RABGAP1L: variants seen among roughly 807,000 people sequenced by gnomAD.
RABGAP1L encodes the protein rab GTPase-activating protein 1-like.
A neutral mutation model predicts 137.7 loss-of-function variants in RABGAP1L; 63 were observed. That is an observed-to-expected ratio of 0.46 (90% CI 0.37 to 0.56). RABGAP1L has a LOEUF of 0.56. Among genes scored for constraint, RABGAP1L ranks in the 20% least tolerant of loss-of-function variants. The pLI, the probability that RABGAP1L is intolerant of heterozygous loss-of-function variation, is 0.00. For missense variants in RABGAP1L, 1,095 were observed against 1,244.0 expected, an observed-to-expected ratio of 0.88 and a Z score of 1.80; for synonymous variants, 431 against 433.7, an observed-to-expected ratio of 0.99 and a Z score of 0.08.
chr1:174,349,104 G>T (rs1473534767), intron 11 of RABGAP1L, among the ~76,000 whole-genome samples: 3 of 122,656 alleles, frequency 2.4e-5, no homozygotes, highest in Admixed American at 7.7e-5. Flanking sequence ...CGGGCGGGGG[G>T]CTGACACCCC....
At chr1:174,391,024 A>T (rs1356916905) in intron 12 of RABGAP1L, among the ~76,000 whole-genome samples, 1 of 152,166 alleles carries the variant, frequency 6.6e-6, no homozygotes, top group Non-Finnish European at 1.5e-5. Flanking sequence ...TCAACAATGG[A>T]GTTTGTGAAG....
intron 13 of RABGAP1L, among the ~76,000 whole-genome samples, chr1:174,590,394 C>T (rs1669516722): frequency 8.2e-6 from 1 of 122,588 alleles, no homozygotes; most frequent in Admixed American, 8.7e-5. Context: ...TACATGTGCA[C>T]ATTGTGCAGG....
chr1:174,695,406 T>C (rs950388031), intron 15 of RABGAP1L, among the ~76,000 whole-genome samples: 1 of 152,112 alleles, frequency 6.6e-6, no homozygotes, highest in Non-Finnish European at 1.5e-5. Context: ...ACTGATACAT[T>C]TTTAAGTTTG....
chr1:174,275,968 C>T (rs1674963424), intron 9 of RABGAP1L, 33 bp downstream of exon 9: 3 of 1,541,942 alleles, frequency 1.9e-6, no homozygotes, highest in South Asian at 2.3e-5. Context: ...TTATTGTTTG[C>T]TTTACATTTT....
chr1:174,957,645 G>A, intron 20 of RABGAP1L, 96 bp downstream of exon 20: 1 of 1,141,000 alleles, frequency 8.8e-7, no homozygotes, highest in Non-Finnish European at 1.3e-6. Context: ...TTGAACACCT[G>A]GCCTCAAGCA....
intron 17 of RABGAP1L, among the ~76,000 whole-genome samples, chr1:174,733,059 C>CT (rs937900142): frequency 6.6e-6 from 1 of 151,936 alleles, no homozygotes; most frequent in Non-Finnish European, 1.5e-5. Context: ...TAAAATAACT[C>CT]TAAGTCATAT....
At chr1:174,615,101 C>G (rs1363409556) in intron 13 of RABGAP1L, among the ~76,000 whole-genome samples, 1 of 152,234 alleles carries the variant, frequency 6.6e-6, no homozygotes, top group Admixed American at 6.5e-5. Flanking sequence ...CTCCATCCTG[C>G]TTTGTTTCGT....
chr1:174,963,828 C>G (rs2149355067), intron 20 of RABGAP1L, among the ~76,000 whole-genome samples: 1 of 152,132 alleles, frequency 6.6e-6, no homozygotes, highest in South Asian at 2.1e-4. Flanking sequence ...CCTGCAAAGC[C>G]TAATATAGTT....
chr1:174,444,343 T>C (rs4353155), intron 13 of RABGAP1L, among the ~76,000 whole-genome samples: 7 of 152,100 alleles, frequency 4.6e-5, no homozygotes, highest in Admixed American at 1.3e-4. Flanking sequence ...GGTTTGCTAG[T>C]ATTTTGTTAA....
intron 13 of RABGAP1L, among the ~76,000 whole-genome samples, chr1:174,410,984 A>T (rs1403594005): frequency 6.6e-6 from 1 of 151,836 alleles, no homozygotes; most frequent in Non-Finnish European, 1.5e-5. Flanking sequence ...TCCTAGGTAT[A>T]TTTTTTTGTG....
chr1:174,712,393 G>A (rs1231623311), intron 17 of RABGAP1L, among the ~76,000 whole-genome samples: 1 of 152,036 alleles, frequency 6.6e-6, no homozygotes, highest in African/African-American at 2.4e-5. Flanking sequence ...GAACCCACTG[G>A]GAGGGACGAA....
At chr1:174,404,924 T>C (rs1389812264) in intron 13 of RABGAP1L, among the ~76,000 whole-genome samples, 1 of 152,222 alleles carries the variant, frequency 6.6e-6, no homozygotes, top group Non-Finnish European at 1.5e-5. Context: ...CTCTGCTTTC[T>C]TGAGCATTAT....
intron 13 of RABGAP1L, among the ~76,000 whole-genome samples, chr1:174,577,140 G>A (rs1433658993): frequency 6.6e-6 from 1 of 151,076 alleles, no homozygotes; most frequent in Non-Finnish European, 1.5e-5. Context: ...AGCTATGATA[G>A]CTCCATGATA....
intron 11 of RABGAP1L, among the ~76,000 whole-genome samples, chr1:174,319,792 G>A (rs1034784459): frequency 2.6e-5 from 4 of 151,920 alleles, no homozygotes; most frequent in Admixed American, 1.3e-4. Flanking sequence ...TTATTGATAC[G>A]ATCTTAGGAT....
intron 13 of RABGAP1L, among the ~76,000 whole-genome samples, chr1:174,480,956 G>A (rs1202937762): frequency 6.6e-6 from 1 of 152,094 alleles, no homozygotes; most frequent in East Asian, 1.9e-4. Flanking sequence ...GATTGGGGAG[G>A]AAAAAGACTC....
At chr1:174,644,293 C>A (rs1306911112) in intron 14 of RABGAP1L, among the ~76,000 whole-genome samples, 1 of 151,938 alleles carries the variant, frequency 6.6e-6, no homozygotes, top group Non-Finnish European at 1.5e-5. Flanking sequence ...TCCCTAAGAG[C>A]TTTCCTTGAA....
At chr1:174,983,788 C>A (rs1175277829) in intron 24 of RABGAP1L, among the ~76,000 whole-genome samples, 2 of 151,972 alleles carry the variant, frequency 1.3e-5, no homozygotes, top group Non-Finnish European at 2.9e-5. Context: ...CATACAAGAC[C>A]TTGTATTCCA....
At chr1:174,180,334 A>G (rs1475375532) in intron 1 of RABGAP1L, among the ~76,000 whole-genome samples, 2 of 152,170 alleles carry the variant, frequency 1.3e-5, no homozygotes, top group African/African-American at 4.8e-5. Flanking sequence ...GCCGCTTTAT[A>G]TGTTCTTGAG....
chr1:174,221,075 G>A lies in RABGAP1L; in HGVS notation c.242G>A (p.Ser81Asn). 1 of 1,613,956 alleles carries A rather than the reference G, an allele frequency of 6.2e-7. No individual in the cohort carries two copies. The highest frequency in any genetic ancestry group is 8.5e-7 in the Non-Finnish European group (1 of 1,179,926). The change falls in exon 3 of 26, where the codon AGT (serine) becomes AAT (asparagine). Residue 81 changes from serine to asparagine, a missense_variant. Physicochemically the swap from Ser to Asn is conservative, Grantham distance 46. This residue lies in a region of RABGAP1L where 356 missense variants were observed against 326.3 expected (regional missense o/e 1.09). Coordinates refer to ENST00000681986, the MANE Select transcript of RABGAP1L (RefSeq NM_001366446.1). ...SSLLVDCQSS[S>N]EISDHSFGDI... ...CTTCTTGTTGATTGTCAAAGTTCCAGTGAGATTTCAGACCATTCGTTTGGA... is the reference window on the plus strand; with the variant it reads ...CTTCTTGTTGATTGTCAAAGTTCCAATGAGATTTCAGACCATTCGTTTGGA...
Sources: allele counts gnomAD v4.1 joint callset (sites outside exome capture counted in the v4.1 genomes callset), GRCh38; gene constraint gnomAD v4.1.1; regional missense constraint gnomAD v4.1.1; transcripts MANE v1.5; gene names NCBI Gene and HGNC (gene_info 2026-07-23, HGNC 2026-07-21).